COL25A1: variants seen among roughly 807,000 people sequenced by gnomAD.
COL25A1 encodes collagen type XXV alpha 1 chain.
Under a neutral mutation model 128.4 loss-of-function variants are expected in COL25A1, and 103 were observed. That is an observed-to-expected ratio of 0.80 (90% confidence interval 0.68 to 0.94). The LOEUF (loss-of-function observed/expected upper bound fraction) is 0.94, where lower values mean the gene tolerates loss of function less well. COL25A1 is among the 40% of genes least tolerant of loss of function. The probability of loss-of-function intolerance (pLI) is 0.00; values close to 1 mark genes in which losing one functional copy is unlikely to be tolerated. For missense variants in COL25A1, 745 were observed against 840.0 expected, an observed-to-expected ratio of 0.89 and a Z score of 1.40; for synonymous variants, 279 against 277.2, an observed-to-expected ratio of 1.01 and a Z score of -0.06.
chr4:109,173,761 C>CT (rs1364809528), intron 3 of COL25A1, among the ~76,000 whole-genome samples: 1 of 152,028 alleles, frequency 6.6e-6, no homozygotes, highest in Admixed American at 6.6e-5. Context: ...AACTATAATT[C>CT]TTATATATTC....
At chr4:108,831,152 A>C (rs1229438190) in intron 32 of COL25A1, among the ~76,000 whole-genome samples, 1 of 151,640 alleles carries the variant, frequency 6.6e-6, no homozygotes, top group African/African-American at 2.4e-5. Context: ...CTAGGTCAGG[A>C]AGAATAGCTG....
At chr4:109,033,791 ATCAATCTT>A (rs1484469611) in intron 5 of COL25A1, among the ~76,000 whole-genome samples, 1 of 152,200 alleles carries the variant, frequency 6.6e-6, no homozygotes, top group Non-Finnish European at 1.5e-5. Context: ...ACCAAACATC[ATCAATCTT>A]ATATCATTAC....
chr4:108,879,884 C>T (rs192512461), intron 19 of COL25A1, among the ~76,000 whole-genome samples: 5 of 152,286 alleles, frequency 3.3e-5, no homozygotes, highest in Admixed American at 1.3e-4. Flanking sequence ...TCTTGGCTCA[C>T]TGCAACCTGT....
chr4:109,208,447 G>A (rs1162967758), intron 3 of COL25A1, among the ~76,000 whole-genome samples: 3 of 144,530 alleles, frequency 2.1e-5, no homozygotes, highest in African/African-American at 7.8e-5. Context: ...ACCCTGAAGG[G>A]AACATTTTTT....
chr4:108,940,318 T>C (rs1747934011), intron 10 of COL25A1, among the ~76,000 whole-genome samples: 1 of 152,138 alleles, frequency 6.6e-6, no homozygotes, highest in African/African-American at 2.4e-5. Flanking sequence ...GTGTATTCAG[T>C]GGTAAAGAGG....
chr4:108,841,761 C>T, intron 30 of COL25A1, 40 bp from the exon 31 acceptor site: 1 of 1,514,668 alleles, frequency 6.6e-7, no homozygotes, highest in South Asian at 1.1e-5. Flanking sequence ...AGAATTGATT[C>T]CCTGTTTCCC....
intron 36 of COL25A1, among the ~76,000 whole-genome samples, chr4:108,818,816 T>C (rs1427067681): frequency 2.0e-5 from 3 of 151,978 alleles, no homozygotes; most frequent in Admixed American, 6.6e-5. Context: ...GGTTGGGCCT[T>C]ATTTATAGCC....
At chr4:109,079,250 G>T (rs1469410700) in intron 3 of COL25A1, among the ~76,000 whole-genome samples, 1 of 152,148 alleles carries the variant, frequency 6.6e-6, no homozygotes. Flanking sequence ...TGTTTTCAGT[G>T]TCCAGACAGA....
intron 5 of COL25A1, among the ~76,000 whole-genome samples, chr4:109,016,286 GC>G (rs1757209039): frequency 6.6e-6 from 1 of 152,246 alleles, no homozygotes; most frequent in South Asian, 2.1e-4. Flanking sequence ...CGCTGCCTCA[GC>G]CCCCTCCAGA....
chr4:109,150,833 G>C (rs901562337), intron 3 of COL25A1, among the ~76,000 whole-genome samples: 17 of 152,006 alleles, frequency 1.1e-4, no homozygotes, highest in African/African-American at 3.9e-4. Context: ...GTTTACTCTT[G>C]AGATTATATT....
chr4:108,843,819 T>C (rs1734748410), intron 30 of COL25A1, among the ~76,000 whole-genome samples: 2 of 152,122 alleles, frequency 1.3e-5, no homozygotes, highest in Admixed American at 6.5e-5. Flanking sequence ...TAAATGTTCC[T>C]ATTGAACATT....
chr4:109,300,458 T>C, intron 3 of COL25A1, 125 bp downstream of exon 3: 1 of 650,466 alleles, frequency 1.5e-6, no homozygotes, highest in Non-Finnish European at 2.8e-6. Flanking sequence ...ATGTTGATTT[T>C]ATTAAAGCAA....
chr4:108,848,924 C>A, intron 26 of COL25A1, 121 bp from the exon 27 acceptor site: 1 of 703,146 alleles, frequency 1.4e-6, no homozygotes, highest in South Asian at 1.8e-5. Context: ...CATCATAACC[C>A]GAGAATATTC....
chr4:109,116,275 G>A (rs1261190611), intron 3 of COL25A1, among the ~76,000 whole-genome samples: 1 of 151,974 alleles, frequency 6.6e-6, no homozygotes, highest in East Asian at 1.9e-4. Context: ...GGGGAAATAA[G>A]CCATTTTGAA....
chr4:109,215,865 A>C (rs1470746760), intron 3 of COL25A1, among the ~76,000 whole-genome samples: 2 of 152,104 alleles, frequency 1.3e-5, no homozygotes, highest in Admixed American at 1.3e-4. Context: ...TCTAAAATCA[A>C]ATCTATATTA....
intron 3 of COL25A1, among the ~76,000 whole-genome samples, chr4:109,133,171 A>G (rs1769390025): frequency 1.3e-5 from 2 of 152,060 alleles, no homozygotes; most frequent in African/African-American, 4.8e-5. Context: ...TTCTTACTTG[A>G]CATAACATTT....
intron 3 of COL25A1, among the ~76,000 whole-genome samples, chr4:109,062,840 A>G (rs1762094201): frequency 6.6e-6 from 1 of 152,224 alleles, no homozygotes; most frequent in Non-Finnish European, 1.5e-5. Flanking sequence ...GAACATGAAA[A>G]TGGATTACTA....
intron 30 of COL25A1, among the ~76,000 whole-genome samples, chr4:108,843,658 T>C (rs1734726926): frequency 6.6e-6 from 1 of 152,146 alleles, no homozygotes; most frequent in Non-Finnish European, 1.5e-5. Flanking sequence ...CAAAGTATCA[T>C]AAAAGTAAGA....
intron 13 of COL25A1, among the ~76,000 whole-genome samples, chr4:108,914,235 C>T (rs1744600241): frequency 1.3e-5 from 2 of 152,086 alleles, no homozygotes; most frequent in Non-Finnish European, 2.9e-5. Flanking sequence ...TTTTTGTGTA[C>T]TCATAGTATC....
Sources: gnomAD v4.1 joint callset for allele counts (sites outside exome capture counted in the v4.1 genomes callset) on GRCh38, gnomAD v4.1.1 for gene constraint, MANE v1.5 for transcripts, NCBI Gene and HGNC (gene_info 2026-07-23, HGNC 2026-07-21) for gene names.